The following STAG1 variants were observed in gnomAD, a reference collection of about 807,000 sequenced individuals.
STAG1 encodes the protein STAG1 cohesin complex component.
In STAG1, 26 loss-of-function variants were observed where a neutral mutation model predicts 170.9. The observed-to-expected ratio is 0.15, with a 90% confidence interval of 0.11 to 0.21. STAG1 has a LOEUF of 0.21. Among genes scored for constraint, STAG1 ranks in the 10% least tolerant of loss-of-function variants. The probability of loss-of-function intolerance (pLI) is 1.00; values close to 1 mark genes in which losing one functional copy is unlikely to be tolerated. For synonymous variants in STAG1, 514 were observed against 497.7 expected, an observed-to-expected ratio of 1.03 and a Z score of -0.44; for missense variants, 964 against 1,509.5, an observed-to-expected ratio of 0.64 and a Z score of 5.99.
intron 5 of STAG1, among the ~76,000 whole-genome samples, chr3:136,567,507 AT>A (rs1255334211): frequency 2.0e-5 from 3 of 152,090 alleles, no homozygotes; most frequent in African/African-American, 7.2e-5. Context: ...ATCAGAGTTT[AT>A]TTTTTGTAGG....
intron 1 of STAG1, among the ~76,000 whole-genome samples, chr3:136,647,170 G>A (rs567077578): frequency 6.6e-6 from 1 of 152,224 alleles, no homozygotes; most frequent in Non-Finnish European, 1.5e-5. Context: ...TTGTGGCACA[G>A]AAAATGAGGT....
At chr3:136,463,561 C>G (rs1191865800) in intron 13 of STAG1, among the ~76,000 whole-genome samples, 1 of 151,604 alleles carries the variant, frequency 6.6e-6, no homozygotes, top group Non-Finnish European at 1.5e-5. Context: ...CACCTATAAC[C>G]AAGAATATGT....
intron 21 of STAG1, among the ~76,000 whole-genome samples, chr3:136,415,738 C>T (rs989512149): frequency 6.6e-6 from 1 of 152,178 alleles, no homozygotes; most frequent in African/African-American, 2.4e-5. Context: ...GGAAGAATCG[C>T]TTGAACCCAG....
chr3:136,421,826 T>C (rs1375965895), intron 19 of STAG1, among the ~76,000 whole-genome samples: 2 of 139,246 alleles, frequency 1.4e-5, no homozygotes, highest in South Asian at 2.5e-4. Context: ...GTCCCAGAAA[T>C]AGAAAATGAG....
intron 5 of STAG1, among the ~76,000 whole-genome samples, chr3:136,565,209 T>C (rs575409313): frequency 6.6e-6 from 1 of 152,112 alleles, no homozygotes; most frequent in Admixed American, 6.5e-5. Context: ...AATGTAAACC[T>C]ATTGTGCACC....
At chr3:136,415,463 C>G (rs149540912) in intron 21 of STAG1, among the ~76,000 whole-genome samples, 1 of 152,192 alleles carries the variant, frequency 6.6e-6, no homozygotes, top group Non-Finnish European at 1.5e-5. Context: ...AGTATCCCTG[C>G]TCCAAAAGGT....
Position 136,592,087 on chromosome 3 carries a change from G to A in STAG1, c.297+12222C>T, listed in dbSNP as rs540436675. On this transcript the variant is annotated intron_variant, in intron 4 of 33. Coordinates refer to ENST00000383202, the MANE Select transcript of STAG1 (RefSeq NM_005862.3). ...GGAAGGGAAGTTGGGGATGATGATG[G>A]AGGAAGTATCTGCCTTGGACCGAGA... is the stretch of plus-strand genomic sequence containing the variant. 7.2e-5 allele frequency among the ~76,000 whole-genome samples: 11 copies of A among 152,284 alleles called. 1 individual carries two copies. The South Asian group carries it at 2.3e-3, about 32-fold the overall frequency.
intron 3 of STAG1, among the ~76,000 whole-genome samples, chr3:136,615,733 G>C (rs543652934): frequency 4.7e-5 from 7 of 150,200 alleles, no homozygotes; most frequent in African/African-American, 1.7e-4. Context: ...AGCCAAGGTC[G>C]TGCCACTGCA....
intron 6 of STAG1, among the ~76,000 whole-genome samples, chr3:136,527,230 C>T (rs1316448528): frequency 1.3e-5 from 2 of 152,200 alleles, no homozygotes; most frequent in Admixed American, 6.5e-5. Context: ...TCAGGTACAC[C>T]AATCAGATGT....
chr3:136,650,934 A>C (rs1232447034), intron 1 of STAG1, among the ~76,000 whole-genome samples: 21 of 146,562 alleles, frequency 1.4e-4, no homozygotes, highest in Non-Finnish European at 2.6e-4. Context: ...AAAAAAAAAA[A>C]CAAGGAAGAT....
chr3:136,451,356 CTAAA>C (rs1282770931), intron 14 of STAG1, among the ~76,000 whole-genome samples: 9 of 152,140 alleles, frequency 5.9e-5, no homozygotes, highest in Non-Finnish European at 1.2e-4. Context: ...TTTCTCCTTA[CTAAA>C]TAATTTTCAA....
intron 6 of STAG1, among the ~76,000 whole-genome samples, chr3:136,527,121 T>G (rs1576568718): frequency 6.6e-6 from 1 of 152,228 alleles, no homozygotes; most frequent in Non-Finnish European, 1.5e-5. Context: ...CTGTATTTCC[T>G]GAATTTGAAT....
In STAG1 at chr3:136,714,998, T is replaced by TTAAAAATAA. The variant is rs1943497142; in HGVS notation, c.-84+37196_-84+37197insTTATTTTTA. Among the ~76,000 whole-genome samples the TTAAAAATAA allele has an allele frequency of 4.5e-5, 5 of 111,462 alleles. No homozygotes were observed. The Admixed American group carries it at 5.1e-4, about 11-fold the overall frequency. The allele number at this position is 111,462 out of a possible 152,430, so 73.1% of individuals were successfully genotyped here. A position where few individuals can be genotyped will look rare whatever the true frequency, so the allele number is the denominator to read the frequency against. On this transcript the variant is annotated intron_variant, in intron 1 of 33. Coordinates refer to ENST00000383202, the MANE Select transcript of STAG1 (RefSeq NM_005862.3). ...TATATTTTTATATATATATTTTATA[T>TTAAAAATAA]ATATAATATATATATAAAATATATA... is the stretch of plus-strand genomic sequence containing the variant.
intron 1 of STAG1, among the ~76,000 whole-genome samples, chr3:136,660,943 T>A (rs1294182945): frequency 6.6e-6 from 1 of 152,134 alleles, no homozygotes; most frequent in Non-Finnish European, 1.5e-5. Flanking sequence ...CACTCCAGCC[T>A]GGGCAACAAG....
At chr3:136,388,003 A>G (rs2086913854) in intron 22 of STAG1, among the ~76,000 whole-genome samples, 1 of 152,168 alleles carries the variant, frequency 6.6e-6, no homozygotes, top group African/African-American at 2.4e-5. Context: ...CCAAACCTAC[A>G]CTACCCATTA....
chr3:136,612,597 T>C (rs1576667521), intron 3 of STAG1, among the ~76,000 whole-genome samples: 1 of 152,214 alleles, frequency 6.6e-6, no homozygotes, highest in Non-Finnish European at 1.5e-5. Flanking sequence ...GAAGGATGGC[T>C]TGAGCCTAGG....
intron 21 of STAG1, among the ~76,000 whole-genome samples, chr3:136,402,814 G>A (rs2087367909): frequency 6.6e-6 from 1 of 151,844 alleles, no homozygotes; most frequent in African/African-American, 2.4e-5. Context: ...GTGACAGTGA[G>A]ACTCTGTCTA....
intron 12 of STAG1, among the ~76,000 whole-genome samples, chr3:136,468,334 G>A (rs377555729): frequency 2.0e-5 from 3 of 152,038 alleles, no homozygotes; most frequent in Non-Finnish European, 2.9e-5. Context: ...TATCACCACC[G>A]ATCCCACAGA....
chr3:136,354,754 C>CAAA lies in STAG1; in HGVS notation c.3065+2963_3065+2965dup. Among the ~76,000 whole-genome samples, 25 of 6,520 alleles carry CAAA rather than the reference C, an allele frequency of 3.8e-3. 2 individuals are homozygous for CAAA. The highest frequency in any genetic ancestry group is 0.038 in the Admixed American group (14 of 366). 4.3% of individuals were successfully genotyped at this position (6,520 alleles called of 152,430 possible). On this transcript the variant is annotated intron_variant, in intron 28 of 33. Transcript: ENST00000383202. ...AAGAAGGCAGTAAAGGAGAAAGAAC[C>CAAA]AAAAAAAAAAAAAACCAAAAAACAA...
Sources: allele counts gnomAD v4.1 joint callset (sites outside exome capture counted in the v4.1 genomes callset), GRCh38; gene constraint gnomAD v4.1.1; transcripts MANE v1.5; gene names NCBI Gene and HGNC (gene_info 2026-07-23, HGNC 2026-07-21).